KCTD8: variants seen among roughly 807,000 people sequenced by gnomAD.
KCTD8 encodes the protein potassium channel tetramerization domain containing 8, also known as BTB/POZ domain-containing protein KCTD8.
KCTD8 carries 27 observed loss-of-function variants against 31.5 expected under a neutral mutation model. The observed-to-expected ratio is 0.86, with a 90% CI of 0.63 to 1.18. The LOEUF (loss-of-function observed/expected upper bound fraction) is 1.18, where lower values mean the gene tolerates loss of function less well. Ranked by LOEUF, KCTD8 falls within the 50% of genes most tolerant of loss-of-function variation. KCTD8 has a pLI of 0.00. For missense variants in KCTD8, 658 were observed against 647.7 expected (o/e 1.02, Z -0.17); for synonymous variants, 290 against 280.0 (o/e 1.04, Z -0.36).
chr4:44,281,920 C>T (rs567517828), intron 1 of KCTD8, among the ~76,000 whole-genome samples: 4 of 152,176 alleles, frequency 2.6e-5, no homozygotes, highest in Admixed American at 2.0e-4. Flanking sequence ...TTCTAGGACT[C>T]TATTTCATTC....
At chr4:44,176,620 T>TAA (rs1340006736) in intron 1 of KCTD8, among the ~76,000 whole-genome samples, 1 of 152,212 alleles carries the variant, frequency 6.6e-6, no homozygotes, top group Non-Finnish European at 1.5e-5. Flanking sequence ...AGAAGAAACA[T>TAA]AAGTCAATGC....
At chr4:44,248,351 A>C (rs1215924011) in intron 1 of KCTD8, among the ~76,000 whole-genome samples, 2 of 150,866 alleles carry the variant, frequency 1.3e-5, no homozygotes, top group African/African-American at 4.9e-5. Flanking sequence ...ACAACAGGAG[A>C]CTTGCTTATC....
At chr4:44,321,832 A>T (rs972944737) in intron 1 of KCTD8, among the ~76,000 whole-genome samples, 5 of 152,066 alleles carry the variant, frequency 3.3e-5, no homozygotes, top group Non-Finnish European at 4.4e-5. Flanking sequence ...CTTAGCTCCT[A>T]CATGAGTGAG....
intron 1 of KCTD8, among the ~76,000 whole-genome samples, chr4:44,191,146 C>A (rs1487894090): frequency 2.0e-5 from 3 of 152,154 alleles, no homozygotes; most frequent in South Asian, 2.1e-4. Context: ...GTCTTTACTG[C>A]AATCTCTGAA....
intron 1 of KCTD8, among the ~76,000 whole-genome samples, chr4:44,284,780 A>G (rs1717006315): frequency 6.6e-6 from 1 of 152,206 alleles, no homozygotes; most frequent in Non-Finnish European, 1.5e-5. Context: ...TACAAGAAAA[A>G]AGCAAACAGC....
rs575153956 is a variant in KCTD8, at chr4:44,437,008, T to G, written c.961+10555A>C. On this transcript the variant is annotated intron_variant, in intron 1 of 1. Transcript: ENST00000360029. ...TATTACATTACTCTAGATTTTTGTT[T>G]CCCTTAATTCACTCATGAAACTGTC... is the stretch of plus-strand genomic sequence containing the variant. Among the ~76,000 whole-genome samples, 9 of 151,718 alleles carry G rather than the reference T, an allele frequency of 5.9e-5. No homozygotes were observed. In the South Asian group the frequency reaches 1.9e-3, roughly 32 times the overall value.
At chr4:44,311,783 T>C (rs1230456133) in intron 1 of KCTD8, among the ~76,000 whole-genome samples, 1 of 151,588 alleles carries the variant, frequency 6.6e-6, no homozygotes, top group Non-Finnish European at 1.5e-5. Flanking sequence ...CGTGGCTTGA[T>C]TGGATCGAAA....
At chr4:44,270,725 T>C (rs1160303828) in intron 1 of KCTD8, among the ~76,000 whole-genome samples, 8 of 152,128 alleles carry the variant, frequency 5.3e-5, no homozygotes, top group Admixed American at 5.2e-4. Context: ...GCAACCATGC[T>C]ATCCCCAATA....
At chr4:44,303,739 G>A (rs540176829) in intron 1 of KCTD8, among the ~76,000 whole-genome samples, 1 of 152,054 alleles carries the variant, frequency 6.6e-6, no homozygotes, top group South Asian at 2.1e-4. Flanking sequence ...CTTGAGCCCA[G>A]GAGGCAGAGG....
chr4:44,412,627 G>A (rs567320916), intron 1 of KCTD8, among the ~76,000 whole-genome samples: 2 of 152,198 alleles, frequency 1.3e-5, no homozygotes, highest in Admixed American at 1.3e-4. Context: ...TAGCCTTCTA[G>A]GAAAGAGATT....
chr4:44,349,266 T>C (rs1719134325), intron 1 of KCTD8, among the ~76,000 whole-genome samples: 1 of 152,112 alleles, frequency 6.6e-6, no homozygotes, highest in Admixed American at 6.6e-5. Context: ...GGAGAAATAT[T>C]GGGTTGGGAA....
In KCTD8 at chr4:44,323,507, C is replaced by CCA. The variant is rs777916640; in HGVS notation, c.961+124055_961+124056insTG. On this transcript the variant is annotated intron_variant, in intron 1 of 1. Transcript: ENST00000360029. The stretch of plus-strand genomic sequence containing the variant: ...GAAACTCCATCCCCACCCACCCCCC[C>CCA]CCAAAAAAAATTAAAAATTAAAAAA... Among the ~76,000 whole-genome samples, 4 of 135,564 alleles carry CCA rather than the reference C, an allele frequency of 3.0e-5. 1 individual carries two copies. The highest frequency in any genetic ancestry group is 1.5e-4 in the Admixed American group (2 of 13,438). The allele number at this position is 135,564 out of a possible 152,430, so 88.9% of individuals were successfully genotyped here.
At chr4:44,211,880 T>C (rs1020435508) in intron 1 of KCTD8, among the ~76,000 whole-genome samples, 5 of 152,120 alleles carry the variant, frequency 3.3e-5, no homozygotes, top group Admixed American at 3.3e-4. Context: ...ATTATTTTCA[T>C]TATATTTCAT....
At chr4:44,286,795 A>G (rs1028029479) in intron 1 of KCTD8, among the ~76,000 whole-genome samples, 8 of 152,058 alleles carry the variant, frequency 5.3e-5, no homozygotes, top group African/African-American at 1.9e-4. Flanking sequence ...GGGTAAGGGT[A>G]AAAAAATAGA....
At chr4:44,237,829 C>G (rs1349368555) in intron 1 of KCTD8, among the ~76,000 whole-genome samples, 1 of 152,078 alleles carries the variant, frequency 6.6e-6, no homozygotes, top group East Asian at 1.9e-4. Flanking sequence ...TTAAATAAAT[C>G]TCAGGTGTTG....
At chr4:44,294,058 G>T (rs956391342) in intron 1 of KCTD8, among the ~76,000 whole-genome samples, 1 of 152,046 alleles carries the variant, frequency 6.6e-6, no homozygotes, top group Non-Finnish European at 1.5e-5. Context: ...TGTTCATTTT[G>T]CCAAAGGTTT....
At chr4:44,300,498 AC>A (rs1352877597) in intron 1 of KCTD8, among the ~76,000 whole-genome samples, 1 of 151,824 alleles carries the variant, frequency 6.6e-6, no homozygotes, top group Admixed American at 6.6e-5. Context: ...TTCATGTATA[AC>A]ATGAGAAAAC....
In KCTD8 at chr4:44,206,090, A is replaced by AT. The variant is rs931890045; in HGVS notation, c.962-30841dup. ...GAAGGCAAGCTTTCTTAGATTATTT[A>AT]TTTTTTTTTAATTTATAATAAATAT... On this transcript the variant is annotated intron_variant, in intron 1 of 1. Coordinates refer to ENST00000360029, the MANE Select transcript of KCTD8 (RefSeq NM_198353.3). Among the ~76,000 whole-genome samples the AT allele has an allele frequency of 2.0e-4, 31 of 151,388 alleles. 1 individual carries two copies. The highest frequency in any genetic ancestry group is 5.9e-4 in the Admixed American group (9 of 15,206).
intron 1 of KCTD8, among the ~76,000 whole-genome samples, chr4:44,305,456 A>T (rs1294841863): frequency 3.3e-5 from 5 of 151,746 alleles, no homozygotes; most frequent in African/African-American, 9.7e-5. Context: ...TCAAATTTTA[A>T]AAGCAAAGAT....
Sources: gnomAD v4.1 joint callset for allele counts (sites outside exome capture counted in the v4.1 genomes callset) on GRCh38, gnomAD v4.1.1 for gene constraint, MANE v1.5 for transcripts, NCBI Gene and HGNC (gene_info 2026-07-23, HGNC 2026-07-21) for gene names.